The following TCF12 variants were observed in gnomAD, a reference collection of about 807,000 sequenced individuals.
The protein encoded by TCF12 is DNA-binding protein HTF4.
Under a neutral mutation model 86.0 loss-of-function variants are expected in TCF12, and 45 were observed. That is an observed-to-expected ratio of 0.52 (90% CI 0.41 to 0.67). The LOEUF (loss-of-function observed/expected upper bound fraction) is 0.67. TCF12 is among the 30% of genes least tolerant of loss of function. The pLI is 0.00. For missense variants in TCF12, 881 were observed against 859.9 expected, an observed-to-expected ratio of 1.02 and a Z score of -0.31; for synonymous variants, 330 against 299.6, an observed-to-expected ratio of 1.10 and a Z score of -1.05.
In TCF12 at chr15:56,940,762, TCTC is replaced by T. The variant is rs1376422929; in HGVS notation, c.148+19667_148+19669del. 1.5e-5 allele frequency among the ~76,000 whole-genome samples: 2 copies of T among 131,850 alleles called. 1 individual carries two copies. The highest frequency in any genetic ancestry group is 3.2e-5 in the Non-Finnish European group (2 of 62,954). 86.5% of individuals were successfully genotyped at this position (131,850 alleles called of 152,430 possible). On this transcript the variant is annotated intron_variant, in intron 3 of 20. Transcript: ENST00000333725. ...CCCTTCTCCTCCTTCTCCTTCTCCT[TCTC>T]CTTCTTCTGAGATGAGGTCTAACTC...
intron 3 of TCF12, among the ~76,000 whole-genome samples, chr15:56,988,350 G>A (rs2063294787): frequency 6.6e-6 from 1 of 152,128 alleles, no homozygotes; most frequent in African/African-American, 2.4e-5. Context: ...TGTACAGCAT[G>A]TTACTCATCT....
chr15:56,982,369 C>T (rs945004068), intron 3 of TCF12, among the ~76,000 whole-genome samples: 4 of 152,188 alleles, frequency 2.6e-5, no homozygotes, highest in African/African-American at 4.8e-5. Context: ...AGAATTCTTA[C>T]GCTTTTTAAA....
chr15:57,243,484 G>A lies in TCF12; in HGVS notation c.1048G>A (p.Asp350Asn), dbSNP rs756847362. Residue 350 changes from aspartate to asparagine, a missense_variant, in exon 13 of 21, where the codon GAC (aspartate) becomes AAC (asparagine). Coordinates refer to ENST00000333725, the MANE Select transcript of TCF12 (RefSeq NM_207037.2). ...GKALASIYSP[D>N]HTSSSFPSNP... ...GTTTTCTGGTTAGATTTATTCTCCT[G>A]ACCATACCAGCAGTAGTTTTCCGTC... 2.5e-6 allele frequency: 4 copies of A among 1,613,688 alleles called. No homozygotes were observed. Among genetic ancestry groups the A allele is most frequent in the Non-Finnish European group, 3.4e-6 (4 of 1,179,776 alleles).
intron 6 of TCF12, among the ~76,000 whole-genome samples, chr15:57,180,845 C>G (rs1047228825): frequency 9.4e-6 from 1 of 106,260 alleles, no homozygotes; most frequent in African/African-American, 3.9e-5. Flanking sequence ...GATGGAGTCT[C>G]GCTCTGTCGC....
chr15:57,085,853 C>T (rs1212620510), intron 4 of TCF12, among the ~76,000 whole-genome samples: 4 of 152,080 alleles, frequency 2.6e-5, no homozygotes, highest in African/African-American at 9.7e-5. Flanking sequence ...CTTTTGCCCA[C>T]TTAGAGGGTG....
chr15:57,218,340 T>C (rs1168609618), intron 8 of TCF12, among the ~76,000 whole-genome samples: 1 of 152,194 alleles, frequency 6.6e-6, no homozygotes, highest in Non-Finnish European at 1.5e-5. Context: ...AAAGGGAAAG[T>C]TGCTATTCTG....
At chr15:57,031,457 C>G (rs1298652023) in intron 3 of TCF12, among the ~76,000 whole-genome samples, 2 of 152,120 alleles carry the variant, frequency 1.3e-5, no homozygotes, top group Admixed American at 1.3e-4. Context: ...TATCATTAAG[C>G]TAATAATCAG....
At chr15:57,049,326 A>G (rs2067455209) in intron 3 of TCF12, among the ~76,000 whole-genome samples, 2 of 152,214 alleles carry the variant, frequency 1.3e-5, no homozygotes, top group African/African-American at 4.8e-5. Context: ...TCTGCTTCCC[A>G]GGAACTACCC....
chr15:57,167,510 A>G (rs1156495677), intron 6 of TCF12, among the ~76,000 whole-genome samples: 1 of 151,996 alleles, frequency 6.6e-6, no homozygotes, highest in East Asian at 1.9e-4. Flanking sequence ...GCAGTGACCC[A>G]TGATTGCACC....
intron 3 of TCF12, among the ~76,000 whole-genome samples, chr15:56,974,483 A>G (rs2062501600): frequency 1.3e-5 from 2 of 152,122 alleles, no homozygotes; most frequent in Admixed American, 6.5e-5. Context: ...AAATAAAAAG[A>G]TACTTTACAG....
chr15:57,207,303 C>T (rs1597320079), intron 8 of TCF12, among the ~76,000 whole-genome samples: 1 of 152,082 alleles, frequency 6.6e-6, no homozygotes, highest in African/African-American at 2.4e-5. Flanking sequence ...ATGTTAATCC[C>T]TATGAATCTA....
intron 3 of TCF12, among the ~76,000 whole-genome samples, chr15:56,994,817 A>G (rs1298435066): frequency 6.6e-6 from 1 of 152,156 alleles, no homozygotes; most frequent in Non-Finnish European, 1.5e-5. Flanking sequence ...TTGCTAAAAG[A>G]TGTTCTTAAG....
At chr15:57,032,761 G>A (rs965049584) in intron 3 of TCF12, among the ~76,000 whole-genome samples, 4 of 152,090 alleles carry the variant, frequency 2.6e-5, no homozygotes, top group African/African-American at 9.7e-5. Flanking sequence ...TAGTTTTATA[G>A]CACATTATTC....
intron 5 of TCF12, among the ~76,000 whole-genome samples, chr15:57,122,914 A>G (rs2051340748): frequency 1.3e-5 from 2 of 152,240 alleles, no homozygotes; most frequent in Admixed American, 6.5e-5. Flanking sequence ...CATAAAATAG[A>G]TAAGCAGAGC....
intron 6 of TCF12, among the ~76,000 whole-genome samples, chr15:57,174,890 C>A (rs2055796617): frequency 2.0e-5 from 3 of 152,202 alleles, no homozygotes; most frequent in Admixed American, 1.3e-4. Context: ...GATGTTAGTT[C>A]TTCCTAAATT....
At chr15:57,146,158 T>C (rs2053347136) in intron 5 of TCF12, among the ~76,000 whole-genome samples, 2 of 152,240 alleles carry the variant, frequency 1.3e-5, no homozygotes, top group Admixed American at 6.5e-5. Context: ...AATACAGTCT[T>C]GTTCTCTGTG....
chr15:57,118,341 A>G (rs934115797), intron 5 of TCF12: 1 of 152,252 alleles, frequency 6.6e-6, no homozygotes, highest in Non-Finnish European at 1.5e-5. Context: ...TTAAAGAATC[A>G]CTGACTGTCT....
At chr15:56,924,655 A>G (rs1338768008) in intron 3 of TCF12, among the ~76,000 whole-genome samples, 1 of 152,222 alleles carries the variant, frequency 6.6e-6, no homozygotes, top group East Asian at 1.9e-4. Context: ...ATATTGAGCC[A>G]TGTTAGACAT....
At chr15:57,203,733 G>C (rs1269962561) in intron 8 of TCF12, among the ~76,000 whole-genome samples, 1 of 152,166 alleles carries the variant, frequency 6.6e-6, no homozygotes, top group Non-Finnish European at 1.5e-5. Context: ...AACTCTCAAA[G>C]TGTAATTTAC....
Sources: gnomAD v4.1 joint callset for allele counts (sites outside exome capture counted in the v4.1 genomes callset) on GRCh38, gnomAD v4.1.1 for gene constraint, MANE v1.5 for transcripts, NCBI Gene and HGNC (gene_info 2026-07-23, HGNC 2026-07-21) for gene names.